KCNAB1: variants seen among roughly 807,000 people sequenced by gnomAD.
The protein encoded by KCNAB1 is potassium voltage-gated channel subfamily A regulatory beta subunit 1, also known as voltage-gated potassium channel subunit beta-1.
In KCNAB1, 35 loss-of-function variants were observed where a neutral mutation model predicts 64.6. That is an observed-to-expected ratio of 0.54 (90% CI 0.41 to 0.72). KCNAB1 has a LOEUF of 0.72. KCNAB1 is among the 30% of genes least tolerant of loss of function. KCNAB1 has a pLI of 0.00. For synonymous variants in KCNAB1, 177 were observed against 183.8 expected (o/e 0.96, Z 0.30); for missense variants, 401 against 512.9 (o/e 0.78, Z 2.11).
chr3:156,539,068 C>CTCT (rs555137414), downstream of KCNAB1: 386 of 152,256 alleles, frequency 2.5e-3, no homozygotes, highest in African/African-American at 8.7e-3. Context: ...ATTCCACGCA[C>CTCT]TCTTATTATT....
intron 2 of KCNAB1, among the ~76,000 whole-genome samples, chr3:156,438,787 G>A (rs148657218): frequency 0.019 from 2,829 of 152,112 alleles, 73 homozygotes; most frequent in South Asian, 0.11. Context: ...AGGACGAGGT[G>A]GGCCGATCAC....
At chr3:156,239,687 T>C (rs1442494165) in intron 1 of KCNAB1, among the ~76,000 whole-genome samples, 3 of 152,232 alleles carry the variant, frequency 2.0e-5, no homozygotes, top group Non-Finnish European at 2.9e-5. Context: ...CTCTTAATTA[T>C]ATCCTACCAT....
chr3:156,136,598 C>G (rs1002587379), intron 1 of KCNAB1, among the ~76,000 whole-genome samples: 2 of 152,204 alleles, frequency 1.3e-5, no homozygotes, highest in African/African-American at 2.4e-5. Context: ...AAAAAGAGAG[C>G]CTAGAGCCTA....
At chr3:156,506,023 A>C (rs923030683) in intron 8 of KCNAB1, among the ~76,000 whole-genome samples, 1 of 152,220 alleles carries the variant, frequency 6.6e-6, no homozygotes, top group Non-Finnish European at 1.5e-5. Flanking sequence ...ACATTTCTAC[A>C]TGAGATTTGG....
intron 12 of KCNAB1, among the ~76,000 whole-genome samples, 176 bp from the exon 13 acceptor site, chr3:156,531,233 A>G (rs886948424): frequency 1.3e-5 from 2 of 152,136 alleles, no homozygotes; most frequent in Admixed American, 1.3e-4. Context: ...ATTCTGTCAA[A>G]TCTTCTACAC....
intron 1 of KCNAB1, among the ~76,000 whole-genome samples, chr3:156,337,383 T>C (rs549863425): frequency 2.6e-5 from 4 of 152,246 alleles, no homozygotes; most frequent in East Asian, 1.9e-4. Context: ...TGTTCTTTTT[T>C]CCCCCCACTG....
chr3:156,285,296 T>C (rs1720035561), intron 1 of KCNAB1, among the ~76,000 whole-genome samples: 1 of 152,212 alleles, frequency 6.6e-6, no homozygotes, highest in African/African-American at 2.4e-5. Flanking sequence ...ACATGGCCAA[T>C]ATTTATGCCA....
intron 2 of KCNAB1, among the ~76,000 whole-genome samples, chr3:156,428,469 A>G (rs1715973100): frequency 7.0e-6 from 1 of 142,262 alleles, no homozygotes; most frequent in African/African-American, 2.7e-5. Context: ...ACATGAGCCA[A>G]TTCCTTATAA....
intron 1 of KCNAB1, among the ~76,000 whole-genome samples, chr3:156,248,111 A>C (rs1035300907): frequency 5.3e-5 from 8 of 152,062 alleles, no homozygotes; most frequent in Non-Finnish European, 2.9e-5. Context: ...CCTCCTGTTA[A>C]TTTCTCTTCC....
chr3:156,457,958 C>T (rs1576891985), intron 4 of KCNAB1, among the ~76,000 whole-genome samples: 1 of 152,276 alleles, frequency 6.6e-6, no homozygotes, highest in East Asian at 1.9e-4. Context: ...TTTTTCAGCC[C>T]CTGAGGAACT....
intron 1 of KCNAB1, among the ~76,000 whole-genome samples, chr3:156,158,179 A>AAAAT (rs58622682): frequency 0.1 from 6,173 of 60,548 alleles, 289 homozygotes; most frequent in Non-Finnish European, 0.11. Flanking sequence ...AAAAAAATAA[A>AAAAT]AAATAAATAA....
intron 1 of KCNAB1, among the ~76,000 whole-genome samples, chr3:156,301,453 G>A (rs2107988290): frequency 1.3e-5 from 2 of 152,266 alleles, no homozygotes; most frequent in Admixed American, 6.5e-5. Flanking sequence ...AACTGAAAAT[G>A]TTCAGAAGAA....
At chr3:156,382,501 C>CA (rs1349021317) in intron 1 of KCNAB1, among the ~76,000 whole-genome samples, 1 of 152,026 alleles carries the variant, frequency 6.6e-6, no homozygotes, top group Non-Finnish European at 1.5e-5. Context: ...CAAACGAAAA[C>CA]AAAAAACAAA....
intron 1 of KCNAB1, among the ~76,000 whole-genome samples, chr3:156,194,518 T>C (rs533953189): frequency 6.6e-6 from 1 of 152,276 alleles, no homozygotes; most frequent in East Asian, 1.9e-4. Flanking sequence ...TTGGCACTTA[T>C]TTCAAGGAAT....
intron 1 of KCNAB1, among the ~76,000 whole-genome samples, chr3:156,364,816 C>G (rs1218339890): frequency 1.3e-5 from 2 of 151,966 alleles, no homozygotes; most frequent in East Asian, 3.9e-4. Context: ...AAAAAAACAC[C>G]TGCAACACAA....
At chr3:156,161,321 T>A (rs1178728180) in intron 1 of KCNAB1, among the ~76,000 whole-genome samples, 1 of 152,176 alleles carries the variant, frequency 6.6e-6, no homozygotes. Context: ...CACCATGTAC[T>A]TCCTTTAAAA....
At chr3:156,380,612 G>A (rs1022294559) in intron 1 of KCNAB1, among the ~76,000 whole-genome samples, 9 of 152,256 alleles carry the variant, frequency 5.9e-5, no homozygotes, top group East Asian at 3.9e-4. Context: ...TGCCCAGCAT[G>A]TTTAGTGAAG....
chr3:156,146,523 A>G (rs78423785), intron 1 of KCNAB1, among the ~76,000 whole-genome samples: 138 of 152,360 alleles, frequency 9.1e-4, no homozygotes, highest in African/African-American at 2.9e-3. Context: ...GCAATCTTAT[A>G]ATACTAACAT....
chr3:156,295,457 G>A (rs932434327), intron 1 of KCNAB1, among the ~76,000 whole-genome samples: 3 of 152,100 alleles, frequency 2.0e-5, no homozygotes, highest in Non-Finnish European at 4.4e-5. Context: ...ATTTTAGAAA[G>A]AATTAATGTA....
Sources: gnomAD v4.1 joint callset for allele counts (sites outside exome capture counted in the v4.1 genomes callset) on GRCh38, gnomAD v4.1.1 for gene constraint, MANE v1.5 for transcripts, NCBI Gene and HGNC (gene_info 2026-07-23, HGNC 2026-07-21) for gene names.